The following ABCC3 variants were observed in gnomAD, a reference collection of about 807,000 sequenced individuals.
The protein encoded by ABCC3 is ATP binding cassette subfamily C member 3, also known as ATP-binding cassette sub-family C member 3.
Under a neutral mutation model 165.3 loss-of-function variants are expected in ABCC3, and 121 were observed. The ratio of observed to expected loss-of-function variants is 0.73; its 90% CI spans 0.63 to 0.85. The LOEUF is 0.85. Among genes scored for constraint, ABCC3 ranks in the 40% least tolerant of loss-of-function variants. ABCC3 has a pLI of 0.00. For synonymous variants in ABCC3, 733 were observed against 810.1 expected (o/e 0.90, Z 1.62); for missense variants, 1,869 against 1,964.1 (o/e 0.95, Z 0.92).
rs1467149156 is a variant in ABCC3, at chr17:50,673,619, C to T, written c.2560C>T (p.Pro854Ser). 1 of 1,614,082 alleles carries T rather than the reference C, an allele frequency of 6.2e-7. No individual in the cohort carries two copies. Among genetic ancestry groups the T allele is most frequent in the Non-Finnish European group, 8.5e-7 (1 of 1,180,040 alleles). Residue 854 changes from proline (P) to serine (S), a missense_variant, in exon 19 of 31, where the codon CCC becomes TCC. Physicochemically the swap from Pro to Ser is moderately conservative, Grantham distance 74. Transcript: ENST00000285238. ...TGCCAACTTTCTCTGCAACTATGCC[C>T]CCGATGAGGACCAAGGGCACCTGGA... is the stretch of plus-strand genomic sequence containing the variant. ...SFANFLCNYA[P>S]DEDQGHLEDS...
In ABCC3 at chr17:50,665,134, T is replaced by G; in HGVS notation, c.1339-19T>G. The G allele has an allele frequency of 1.9e-6, 3 of 1,610,910 alleles. No homozygotes were observed. The highest frequency in any genetic ancestry group is 2.5e-6 in the Non-Finnish European group (3 of 1,177,052). On this transcript the variant is annotated intron_variant, in intron 10 of 30. Transcript: ENST00000285238. The stretch of plus-strand genomic sequence containing the variant: ...GTAATCTGTCCCTATGTGTCATCTA[T>G]CCACCGGTGCCTCCTCAGAACCTAG...
intron 30 of ABCC3, among the ~76,000 whole-genome samples, chr17:50,690,564 C>A (rs1245015246): frequency 1.3e-5 from 2 of 152,210 alleles, no homozygotes; most frequent in Non-Finnish European, 2.9e-5. Flanking sequence ...GTGGGAGATT[C>A]TAACCCTGGG....
intron 11 of ABCC3, 32 bp from the exon 12 acceptor site, chr17:50,667,522 G>A (rs1967548708): frequency 6.3e-7 from 1 of 1,581,072 alleles, no homozygotes; most frequent in Non-Finnish European, 8.6e-7. Context: ...GAGGGAGCAG[G>A]TGTGCCACTG....
chr17:50,665,586 C>G (rs1412620348), intron 11 of ABCC3, among the ~76,000 whole-genome samples: 1 of 151,308 alleles, frequency 6.6e-6, no homozygotes, highest in Non-Finnish European at 1.5e-5. Flanking sequence ...TATTTGCAAA[C>G]ATTTCTTGAA....
chr17:50,685,198 C>A (rs1289252341), intron 29 of ABCC3, among the ~76,000 whole-genome samples: 1 of 152,120 alleles, frequency 6.6e-6, no homozygotes, highest in Admixed American at 6.5e-5. Flanking sequence ...ATTCCAAAAC[C>A]CTTTGAGGAA....
At chr17:50,644,141 T>C (rs951344964) in intron 1 of ABCC3, among the ~76,000 whole-genome samples, 3 of 150,458 alleles carry the variant, frequency 2.0e-5, no homozygotes, top group African/African-American at 7.3e-5. Flanking sequence ...TGAAACCCCG[T>C]CTCTACTAAA....
At chr17:50,675,499 C>T (rs1472732019) in intron 20 of ABCC3, 23 bp downstream of exon 20, 5 of 1,606,088 alleles carry the variant, frequency 3.1e-6, no homozygotes, top group Non-Finnish European at 4.3e-6. Flanking sequence ...GAGCTCCCAG[C>T]CCTCCCGGAG....
intron 21 of ABCC3, 52 bp from the exon 22 acceptor site, chr17:50,675,831 C>T: frequency 6.2e-7 from 1 of 1,604,600 alleles, no homozygotes; most frequent in Non-Finnish European, 8.5e-7. Context: ...CCCCAGCAGC[C>T]CCAGGGTTTA....
chr17:50,680,669 C>A (rs1021203181), intron 26 of ABCC3, among the ~76,000 whole-genome samples: 2 of 152,270 alleles, frequency 1.3e-5, no homozygotes, highest in African/African-American at 4.8e-5. Flanking sequence ...AACACAAACG[C>A]TCTCACCTGC....
rs1332059799 is a variant in ABCC3 at position 50,655,414 on chromosome 17, A to AAAAC, written c.46-415_46-414insCAAA. On this transcript the variant is annotated intron_variant, in intron 1 of 30. Coordinates refer to ENST00000285238, the MANE Select transcript of ABCC3 (RefSeq NM_003786.4). ...AGTGAGACTCTGTCTCAAAAAAAAA[A>AAAAC]AAAAAAACAAAAACAAAAAAAAAAG... Among the ~76,000 whole-genome samples the AAAAC allele has an allele frequency of 7.2e-4, 108 of 149,298 alleles. 4 individuals carry two copies. The highest frequency in any genetic ancestry group is 3.4e-3 in the South Asian group (16 of 4,694).
intron 11 of ABCC3, 63 bp from the exon 12 acceptor site, chr17:50,667,491 C>T (rs1967547959): frequency 6.9e-7 from 1 of 1,443,936 alleles, no homozygotes; most frequent in African/African-American, 1.4e-5. Context: ...AAGGTAGGAC[C>T]CTGTGAGCAG....
chr17:50,674,924 C>T (rs113790471), intron 19 of ABCC3, among the ~76,000 whole-genome samples: 2,959 of 151,918 alleles, frequency 0.019, 82 homozygotes, highest in African/African-American at 0.066. Context: ...CTCAGCCTCC[C>T]GAGTAGCCAG....
In ABCC3 at chr17:50,677,719, CCCAAACT is replaced by C. The variant is rs1200151947; in HGVS notation, c.3379-22_3379-16del. On this transcript the variant is annotated intron_variant, in intron 23 of 30. Coordinates refer to ENST00000285238, the MANE Select transcript of ABCC3 (RefSeq NM_003786.4). ...GAGTTGGGGGTTCCATGGCCCTGACCCCAAACTCCTTCTCCCTCCATCAGCGCTTCTA... is the reference window on the plus strand; with the variant it reads ...GAGTTGGGGGTTCCATGGCCCTGACCCCTTCTCCCTCCATCAGCGCTTCTA... 2 of 1,610,398 alleles carry C rather than the reference CCCAAACT, an allele frequency of 1.2e-6. No homozygotes were observed. Among genetic ancestry groups the C allele is most frequent in the Non-Finnish European group, 1.7e-6 (2 of 1,177,596 alleles).
chr17:50,668,433 AGT>A lies in ABCC3; in HGVS notation c.1791_1792del (p.Leu599GlufsTer13). On this transcript the variant is annotated frameshift_variant, in exon 14 of 31. Coordinates refer to ENST00000285238, the MANE Select transcript of ABCC3 (RefSeq NM_003786.4). LOFTEE classifies it high-confidence loss of function. ...PQLISNLTQASVSLKRIQQFL... is the reference protein window; with the variant it reads ...PQLISNLTQAXVSLKRIQQFL... Reference sequence around the variant, plus strand: ...GCTGACTCACATCCTCCCGTAGGCCAGTGTGTCTCTGAAACGGATCCAGCAAT... The same window carrying A: ...GCTGACTCACATCCTCCCGTAGGCCAGTGTCTCTGAAACGGATCCAGCAAT... 8.1e-6 allele frequency: 13 copies of A among 1,613,754 alleles called. No individual in the cohort carries two copies. Among genetic ancestry groups the A allele is most frequent in the Non-Finnish European group, 1.1e-5 (13 of 1,179,762 alleles).
intron 1 of ABCC3, chr17:50,643,529 A>G (rs1378947136): frequency 2.2e-6 from 1 of 456,250 alleles, no homozygotes; most frequent in East Asian, 7.0e-5. Flanking sequence ...GGCCTGCCCA[A>G]CGTGCCACTG....
intron 29 of ABCC3, chr17:50,687,328 T>C (rs1968040423): frequency 1.8e-6 from 1 of 557,382 alleles, no homozygotes; most frequent in Non-Finnish European, 3.2e-6. Context: ...CAATGCCTTT[T>C]AGCACTGGCT....
At chr17:50,682,362 A>C (rs2146640981) in intron 26 of ABCC3, among the ~76,000 whole-genome samples, 1 of 151,794 alleles carries the variant, frequency 6.6e-6, no homozygotes, top group East Asian at 2.0e-4. Context: ...AAAAAAAAAA[A>C]AAATCAAATC....
At chr17:50,665,301 G>A in intron 11 of ABCC3, 56 bp downstream of exon 11, 1 of 1,557,480 alleles carries the variant, frequency 6.4e-7, no homozygotes, top group Non-Finnish European at 8.8e-7. Flanking sequence ...GGCTGCCTGG[G>A]GGAAGGTGTC....
intron 11 of ABCC3, 44 bp from the exon 12 acceptor site, chr17:50,667,510 G>T: frequency 6.4e-7 from 1 of 1,551,882 alleles, no homozygotes. Flanking sequence ...AGGAGGTCAG[G>T]GGAGGGAGCA....
Sources: gnomAD v4.1 joint callset for allele counts (sites outside exome capture counted in the v4.1 genomes callset) on GRCh38, gnomAD v4.1.1 for gene constraint, MANE v1.5 for transcripts, NCBI Gene and HGNC (gene_info 2026-07-23, HGNC 2026-07-21) for gene names.